Variants in HS6ST3 observed in about 807,000 individuals in gnomAD.
HS6ST3 encodes the protein heparan sulfate 6-O-sulfotransferase 3, also known as heparan-sulfate 6-O-sulfotransferase 3.
A neutral mutation model predicts 36.7 loss-of-function variants in HS6ST3; 12 were observed. The ratio of observed to expected loss-of-function variants is 0.33; its 90% CI spans 0.21 to 0.53. The LOEUF (loss-of-function observed/expected upper bound fraction) is 0.53. Among genes scored for constraint, HS6ST3 ranks in the 20% least tolerant of loss-of-function variants. The pLI is 0.95. For missense variants in HS6ST3, 584 were observed against 640.9 expected (o/e 0.91, Z 0.96); for synonymous variants, 240 against 257.5 (o/e 0.93, Z 0.65).
At chr13:96,477,023 T>G (rs2138894902) in intron 1 of HS6ST3, among the ~76,000 whole-genome samples, 1 of 152,316 alleles carries the variant, frequency 6.6e-6, no homozygotes, top group Admixed American at 6.5e-5. Context: ...TGTGTAATGT[T>G]TTAAAAATCA....
intron 1 of HS6ST3, among the ~76,000 whole-genome samples, chr13:96,146,872 C>T (rs769522815): frequency 3.3e-5 from 5 of 152,122 alleles, no homozygotes; most frequent in Non-Finnish European, 7.4e-5. Context: ...TAGTTTTGAA[C>T]TGTCAAATGG....
chr13:96,105,248 G>T (rs1431050839), intron 1 of HS6ST3, among the ~76,000 whole-genome samples: 2 of 152,064 alleles, frequency 1.3e-5, no homozygotes, highest in African/African-American at 2.4e-5. Context: ...AAGTCACATG[G>T]TTCTAAGCTG....
intron 1 of HS6ST3, among the ~76,000 whole-genome samples, chr13:96,406,346 G>C (rs1175082608): frequency 6.6e-6 from 1 of 152,074 alleles, no homozygotes; most frequent in Admixed American, 6.6e-5. Context: ...TCAAATACTA[G>C]TGAGTACAAC....
chr13:96,504,612 C>G (rs1204305684), intron 1 of HS6ST3, among the ~76,000 whole-genome samples: 6 of 151,976 alleles, frequency 3.9e-5, no homozygotes, highest in Non-Finnish European at 7.4e-5. Flanking sequence ...AGCTATGGTA[C>G]AGAATGATGG....
intron 1 of HS6ST3, among the ~76,000 whole-genome samples, chr13:96,093,767 T>A (rs2053776585): frequency 6.6e-6 from 1 of 152,142 alleles, no homozygotes; most frequent in African/African-American, 2.4e-5. Context: ...TGAAAGGATG[T>A]TAACAGTAGC....
intron 1 of HS6ST3, among the ~76,000 whole-genome samples, chr13:96,394,802 A>G (rs1054881481): frequency 6.6e-6 from 1 of 152,212 alleles, no homozygotes; most frequent in Non-Finnish European, 1.5e-5. Context: ...TCATTTTCGT[A>G]CAGAGTGAGG....
intron 1 of HS6ST3, among the ~76,000 whole-genome samples, chr13:96,441,390 C>A (rs1435251063): frequency 6.6e-6 from 1 of 151,772 alleles, no homozygotes; most frequent in Non-Finnish European, 1.5e-5. Flanking sequence ...ACTTGAGGAG[C>A]CATTGGCACA....
intron 1 of HS6ST3, among the ~76,000 whole-genome samples, chr13:96,645,416 A>G (rs1020944174): frequency 2.0e-5 from 3 of 151,498 alleles, no homozygotes; most frequent in African/African-American, 7.3e-5. Flanking sequence ...AATGGAATCT[A>G]TAAGAGTCAT....
At chr13:96,777,535 C>T (rs547936911) in intron 1 of HS6ST3, among the ~76,000 whole-genome samples, 20 of 152,172 alleles carry the variant, frequency 1.3e-4, no homozygotes, top group African/African-American at 2.2e-4. Context: ...ACACCAATAA[C>T]GAACAGAGAG....
chr13:96,408,373 A>T (rs1365362860), intron 1 of HS6ST3, among the ~76,000 whole-genome samples: 1 of 152,198 alleles, frequency 6.6e-6, no homozygotes, highest in Non-Finnish European at 1.5e-5. Flanking sequence ...ATGCATGAAA[A>T]ATATTCTCCA....
chr13:96,221,218 A>C (rs1405853841), intron 1 of HS6ST3, among the ~76,000 whole-genome samples: 1 of 152,190 alleles, frequency 6.6e-6, no homozygotes, highest in African/African-American at 2.4e-5. Flanking sequence ...GAAAGCAGTT[A>C]GGGTCAGAGA....
chr13:96,696,823 G>A (rs1875141416), intron 1 of HS6ST3, among the ~76,000 whole-genome samples: 1 of 152,052 alleles, frequency 6.6e-6, no homozygotes, highest in African/African-American at 2.4e-5. Flanking sequence ...ATTTAGAAGG[G>A]GTCCGGAGCC....
intron 1 of HS6ST3, among the ~76,000 whole-genome samples, chr13:96,200,562 T>C (rs888268915): frequency 6.6e-6 from 1 of 152,206 alleles, no homozygotes; most frequent in Non-Finnish European, 1.5e-5. Context: ...CCCCAGACCA[T>C]GGCATACCTA....
intron 1 of HS6ST3, among the ~76,000 whole-genome samples, chr13:96,141,333 G>C (rs1347057008): frequency 6.6e-6 from 1 of 151,806 alleles, no homozygotes; most frequent in African/African-American, 2.4e-5. Flanking sequence ...AAAGTATCTT[G>C]CCAGTAAAGG....
At chr13:96,804,363 C>T (rs978052096) in intron 1 of HS6ST3, among the ~76,000 whole-genome samples, 1 of 151,956 alleles carries the variant, frequency 6.6e-6, no homozygotes, top group Non-Finnish European at 1.5e-5. Flanking sequence ...GAGGGAGGTG[C>T]CTGGAATGGT....
chr13:96,274,565 A>T lies in HS6ST3; in HGVS notation c.707+182996A>T, dbSNP rs186591589. ...GCTGGAATTTGGAAACATGTATAACATTCTTTCCTCTATATTTTCTTTGGT... is the reference window on the plus strand; with the variant it reads ...GCTGGAATTTGGAAACATGTATAACTTTCTTTCCTCTATATTTTCTTTGGT... On this transcript the variant is annotated intron_variant, in intron 1 of 1. Coordinates refer to ENST00000376705, the MANE Select transcript of HS6ST3 (RefSeq NM_153456.4). 2.2e-3 allele frequency among the ~76,000 whole-genome samples: 340 copies of T among 152,224 alleles called. 1 individual carries two copies. The highest frequency in any genetic ancestry group is 4.0e-4 in the Non-Finnish European group (27 of 68,008).
At chr13:96,702,826 AG>A (rs1215506435) in intron 1 of HS6ST3, among the ~76,000 whole-genome samples, 2 of 152,232 alleles carry the variant, frequency 1.3e-5, no homozygotes, top group Non-Finnish European at 2.9e-5. Context: ...CACGAGTAAA[AG>A]GGGTGAGAGA....
At chr13:96,592,469 T>C (rs2056386100) in intron 1 of HS6ST3, among the ~76,000 whole-genome samples, 1 of 152,176 alleles carries the variant, frequency 6.6e-6, no homozygotes, top group Non-Finnish European at 1.5e-5. Context: ...TACAGTGTTA[T>C]GATATTCTGT....
chr13:96,593,174 CT>C (rs35380296), intron 1 of HS6ST3, among the ~76,000 whole-genome samples: 13 of 46,618 alleles, frequency 2.8e-4, no homozygotes, highest in African/African-American at 1.1e-3. Context: ...TTCTTTCTTT[CT>C]TTTTTTTTTT....
Sources: allele counts gnomAD v4.1 joint callset (sites outside exome capture counted in the v4.1 genomes callset), GRCh38; gene constraint gnomAD v4.1.1; transcripts MANE v1.5; gene names NCBI Gene and HGNC (gene_info 2026-07-23, HGNC 2026-07-21).